MYO16: variants seen among roughly 807,000 people sequenced by gnomAD.
MYO16 encodes the protein unconventional myosin-XVI.
A neutral mutation model predicts 205.3 loss-of-function variants in MYO16; 94 were observed. That is an observed-to-expected ratio of 0.46 (90% CI 0.39 to 0.54). The LOEUF is 0.54. Ranked by LOEUF, MYO16 falls within the 20% of genes least tolerant of loss-of-function variation. The pLI is 0.00. For synonymous variants in MYO16, 988 were observed against 954.0 expected, an observed-to-expected ratio of 1.04 and a Z score of -0.66; for missense variants, 2,315 against 2,387.5, an observed-to-expected ratio of 0.97 and a Z score of 0.63.
the MYO16 span, among the ~76,000 whole-genome samples, chr13:108,495,733 G>A: frequency 1.3e-5 from 2 of 150,786 alleles, no homozygotes; most frequent in Admixed American, 1.3e-4. Flanking sequence ...CGGGCAGAGA[G>A]AGCCGCCGCC....
intron 4 of MYO16, among the ~76,000 whole-genome samples, chr13:108,768,826 T>C (rs1885865716): frequency 6.6e-6 from 1 of 152,122 alleles, no homozygotes; most frequent in Non-Finnish European, 1.5e-5. Context: ...CAAGTACTTT[T>C]TAATATTAGT....
chr13:108,925,731 C>G (rs964853042), intron 16 of MYO16, among the ~76,000 whole-genome samples: 1 of 152,188 alleles, frequency 6.6e-6, no homozygotes, highest in African/African-American at 2.4e-5. Context: ...CTCTCCATCT[C>G]TCTGCTGCAG....
the MYO16 span, among the ~76,000 whole-genome samples, chr13:108,504,389 A>C: frequency 6.6e-6 from 1 of 151,994 alleles, no homozygotes; most frequent in East Asian, 1.9e-4. Context: ...AGCCTCCCAA[A>C]GTGCTGGGAT....
chr13:108,930,317 C>A (rs1336880409), intron 16 of MYO16, among the ~76,000 whole-genome samples: 1 of 151,908 alleles, frequency 6.6e-6, no homozygotes, highest in African/African-American at 2.4e-5. Flanking sequence ...TTCTCATTAT[C>A]AATTTTTTAA....
chr13:109,037,322 A>G (rs193064530), intron 23 of MYO16, among the ~76,000 whole-genome samples: 9 of 152,310 alleles, frequency 5.9e-5, no homozygotes, highest in Admixed American at 4.6e-4. Flanking sequence ...ATAGATGCTG[A>G]TGAGTTTAAT....
the MYO16 span, among the ~76,000 whole-genome samples, chr13:108,574,708 T>TGTGTGTGTGCGC: frequency 1.8e-3 from 151 of 81,778 alleles, no homozygotes; most frequent in African/African-American, 5.6e-3. Flanking sequence ...TGTGTGTGTG[T>TGTGTGTGTGCGC]GCGCTTGTGT....
At chr13:108,838,297 A>G (rs904555890) in intron 9 of MYO16, among the ~76,000 whole-genome samples, 3 of 152,264 alleles carry the variant, frequency 2.0e-5, no homozygotes, top group Middle Eastern at 3.4e-3. Context: ...ACAGAAGACT[A>G]TCACATGTTA....
At chr13:109,197,464 A>G (rs1453620964) in intron 34 of MYO16, among the ~76,000 whole-genome samples, 1 of 151,938 alleles carries the variant, frequency 6.6e-6, no homozygotes, top group Non-Finnish European at 1.5e-5. Flanking sequence ...CCTTCTCTCA[A>G]ACGTGGGCCA....
chr13:108,928,302 C>T (rs1317905615), intron 16 of MYO16, among the ~76,000 whole-genome samples: 1 of 152,160 alleles, frequency 6.6e-6, no homozygotes, highest in African/African-American at 2.4e-5. Flanking sequence ...TAAATGCAGG[C>T]GTCCATTCAG....
intron 2 of MYO16, among the ~76,000 whole-genome samples, chr13:108,683,965 T>C (rs766635383): frequency 6.6e-6 from 1 of 152,208 alleles, no homozygotes; most frequent in African/African-American, 2.4e-5. Flanking sequence ...AACCTCCGCC[T>C]CCCGGGTTTA....
intron 12 of MYO16, among the ~76,000 whole-genome samples, chr13:108,880,274 T>A (rs1454603931): frequency 6.6e-6 from 1 of 152,130 alleles, no homozygotes; most frequent in Non-Finnish European, 1.5e-5. Flanking sequence ...CCTTTGTCAG[T>A]TGGGTAGATT....
At chr13:108,554,397 C>T in the MYO16 span, among the ~76,000 whole-genome samples, 3 of 152,156 alleles carry the variant, frequency 2.0e-5, no homozygotes, top group African/African-American at 7.2e-5. Flanking sequence ...TGAATTACTA[C>T]CTTTATGATG....
At chr13:108,820,466 T>C in intron 8 of MYO16, 54 bp downstream of exon 8, 1 of 1,406,694 alleles carries the variant, frequency 7.1e-7, no homozygotes, top group Non-Finnish European at 9.9e-7. Flanking sequence ...CTTCCTTTCA[T>C]ATTGGAGTAG....
intron 32 of MYO16, among the ~76,000 whole-genome samples, chr13:109,155,906 G>T (rs1877992318): frequency 6.6e-6 from 1 of 152,030 alleles, no homozygotes; most frequent in South Asian, 2.1e-4. Context: ...CTTTCTGAGA[G>T]GCAATAACAC....
intron 33 of MYO16, chr13:109,166,849 T>C (rs1239106586): frequency 6.6e-6 from 1 of 152,238 alleles, no homozygotes; most frequent in Admixed American, 6.5e-5. Context: ...TGGAGGCTTA[T>C]ATAAGAAATG....
At chr13:108,884,740 C>G (rs1879779297) in intron 13 of MYO16, among the ~76,000 whole-genome samples, 1 of 151,040 alleles carries the variant, frequency 6.6e-6, no homozygotes, top group Non-Finnish European at 1.5e-5. Flanking sequence ...GGGCTCTCAC[C>G]CATTCTAGAC....
chr13:108,667,799 A>G (rs1881807231), intron 2 of MYO16, among the ~76,000 whole-genome samples: 1 of 152,152 alleles, frequency 6.6e-6, no homozygotes, highest in Non-Finnish European at 1.5e-5. Context: ...TAATCCCAAC[A>G]CTTTGGGAGG....
intron 16 of MYO16, among the ~76,000 whole-genome samples, chr13:108,946,199 T>C (rs765374958): frequency 1.3e-5 from 2 of 152,180 alleles, no homozygotes; most frequent in Non-Finnish European, 2.9e-5. Context: ...TCAATATTTG[T>C]ATGTTTGTTT....
intron 2 of MYO16, among the ~76,000 whole-genome samples, chr13:108,704,048 A>G (rs55673308): frequency 6.6e-6 from 1 of 152,008 alleles, no homozygotes; most frequent in Admixed American, 6.6e-5. Flanking sequence ...GCAGCCATCC[A>G]CAAGCCAAGA....
Sources: allele counts gnomAD v4.1 joint callset (sites outside exome capture counted in the v4.1 genomes callset), GRCh38; gene constraint gnomAD v4.1.1; transcripts MANE v1.5; gene names NCBI Gene and HGNC (gene_info 2026-07-23, HGNC 2026-07-21).